The following NCAM2 variants were observed in gnomAD, a reference collection of about 807,000 sequenced individuals.
NCAM2 encodes neural cell adhesion molecule 2, also known as N-CAM-2.
A neutral mutation model predicts 98.1 loss-of-function variants in NCAM2; 30 were observed. That is an observed-to-expected ratio of 0.31 (90% CI 0.23 to 0.41). The LOEUF is 0.41. Among genes scored for constraint, NCAM2 ranks in the 10% least tolerant of loss-of-function variants. NCAM2 has a pLI of 1.00. For missense variants in NCAM2, 867 were observed against 1,005.8 expected, an observed-to-expected ratio of 0.86 and a Z score of 1.87; for synonymous variants, 368 against 342.4, an observed-to-expected ratio of 1.07 and a Z score of -0.83.
chr21:21,459,773 G>T (rs1444064142), intron 12 of NCAM2, among the ~76,000 whole-genome samples: 2 of 151,624 alleles, frequency 1.3e-5, no homozygotes, highest in Admixed American at 1.3e-4. Context: ...CAAAATTTCA[G>T]TTATGCAAGA....
chr21:21,165,922 G>C (rs1227048468), intron 1 of NCAM2, among the ~76,000 whole-genome samples: 1 of 152,134 alleles, frequency 6.6e-6, no homozygotes, highest in Non-Finnish European at 1.5e-5. Flanking sequence ...TGCTAAGATT[G>C]CTATAATTTA....
chr21:21,291,674 T>A (rs536743029), intron 4 of NCAM2, among the ~76,000 whole-genome samples: 1 of 151,944 alleles, frequency 6.6e-6, no homozygotes, highest in Non-Finnish European at 1.5e-5. Context: ...CAAAATTTTT[T>A]GTTTAATTAT....
intron 1 of NCAM2, among the ~76,000 whole-genome samples, chr21:21,239,906 G>GT (rs1015689699): frequency 6.6e-5 from 10 of 151,998 alleles, no homozygotes; most frequent in Admixed American, 6.6e-4. Context: ...TCTCAAGTAT[G>GT]TTTTTTCCTT....
intron 1 of NCAM2, among the ~76,000 whole-genome samples, chr21:21,145,099 G>GC (rs11408934): frequency 0.42 from 64,112 of 151,722 alleles, 13,858 homozygotes; most frequent in African/African-American, 0.51. Flanking sequence ...CTACATCAAA[G>GC]CATTTTATTT....
At chr21:21,289,151 A>G (rs1232720975) in intron 4 of NCAM2, among the ~76,000 whole-genome samples, 1 of 151,958 alleles carries the variant, frequency 6.6e-6, no homozygotes, top group African/African-American at 2.4e-5. Context: ...CTCCTTCTGC[A>G]TTAAAAAAAC....
chr21:21,433,742 C>CAATAAAATAA (rs71322060), intron 12 of NCAM2, among the ~76,000 whole-genome samples: 13,397 of 105,056 alleles, frequency 0.13, 1,022 homozygotes, highest in Non-Finnish European at 0.14. Flanking sequence ...GACTCCATCT[C>CAATAAAATAA]AATAAAATAA....
intron 1 of NCAM2, among the ~76,000 whole-genome samples, chr21:21,039,099 T>C (rs1158598558): frequency 6.6e-6 from 1 of 152,214 alleles, no homozygotes; most frequent in Non-Finnish European, 1.5e-5. Context: ...ATGTAGTTAA[T>C]TAAGAAAGTA....
intron 1 of NCAM2, among the ~76,000 whole-genome samples, chr21:21,232,227 G>C (rs2070657569): frequency 1.3e-5 from 2 of 151,356 alleles, no homozygotes; most frequent in South Asian, 4.2e-4. Flanking sequence ...ATGCATGTTT[G>C]CATTTTTCTT....
chr21:21,182,835 A>T lies in NCAM2; in HGVS notation c.56-97743A>T, dbSNP rs150155408. Among the ~76,000 whole-genome samples the T allele has an allele frequency of 8.2e-3, 1,251 of 152,258 alleles. 17 individuals are homozygous for T. The highest frequency in any genetic ancestry group is 0.068 in the Middle Eastern group (20 of 294). The stretch of plus-strand genomic sequence containing the variant: ...GTTGGGCAGCATTGTTCCTACTAAG[A>T]TATACGTAGGCCTCATCCAAATCGT... On this transcript the variant is annotated intron_variant, in intron 1 of 17. Transcript: ENST00000400546.
chr21:21,466,529 T>C (rs1983698699), intron 12 of NCAM2, 77 bp from the exon 13 acceptor site: 1 of 1,095,220 alleles, frequency 9.1e-7, no homozygotes, highest in East Asian at 3.0e-5. Context: ...TTGATTTGTT[T>C]TCCTTATTAA....
intron 1 of NCAM2, among the ~76,000 whole-genome samples, chr21:21,242,614 T>A (rs1397812355): frequency 6.6e-6 from 1 of 152,200 alleles, no homozygotes; most frequent in Non-Finnish European, 1.5e-5. Context: ...GCCTGGCTTA[T>A]TAGCATTATG....
At chr21:21,166,662 C>T (rs1331201619) in intron 1 of NCAM2, among the ~76,000 whole-genome samples, 1 of 152,156 alleles carries the variant, frequency 6.6e-6, no homozygotes, top group Non-Finnish European at 1.5e-5. Flanking sequence ...AAGTTACTTA[C>T]TTTTAATATT....
At chr21:21,317,864 A>G (rs1307594719) in intron 5 of NCAM2, among the ~76,000 whole-genome samples, 2 of 152,070 alleles carry the variant, frequency 1.3e-5, no homozygotes, top group Admixed American at 1.3e-4. Context: ...ACCAACTTGT[A>G]TTCTAGTCCA....
chr21:21,005,621 C>G (rs1601065743), intron 1 of NCAM2, among the ~76,000 whole-genome samples: 1 of 151,854 alleles, frequency 6.6e-6, no homozygotes. Flanking sequence ...TCTTCCATCC[C>G]CATTTATACT....
At chr21:21,251,724 T>A (rs1255975875) in intron 1 of NCAM2, among the ~76,000 whole-genome samples, 7 of 146,094 alleles carry the variant, frequency 4.8e-5, no homozygotes, top group African/African-American at 1.8e-4. Context: ...TGGTTGAATA[T>A]CCTTTACCCA....
At chr21:21,071,416 G>A (rs773863389) in intron 1 of NCAM2, among the ~76,000 whole-genome samples, 39 of 152,242 alleles carry the variant, frequency 2.6e-4, no homozygotes, top group Non-Finnish European at 4.0e-4. Flanking sequence ...AAAATGTTCT[G>A]GGAGATGGTA....
rs542240307 is a variant in NCAM2, at chr21:21,225,330, G to A, written c.56-55248G>A. 7.9e-5 allele frequency among the ~76,000 whole-genome samples: 12 copies of A among 152,136 alleles called. No individual in the cohort carries two copies. In the East Asian group the frequency reaches 2.3e-3, roughly 29 times the overall value. ...TTAATACTTAGGTAATGGGTTGATA[G>A]GTGCAGCAAACCACCATGGCACATG... On this transcript the variant is annotated intron_variant, in intron 1 of 17. Transcript: ENST00000400546.
At chr21:21,315,474 A>G (rs770934655) in intron 5 of NCAM2, among the ~76,000 whole-genome samples, 2 of 152,178 alleles carry the variant, frequency 1.3e-5, no homozygotes, top group Non-Finnish European at 2.9e-5. Context: ...TTCTGGTTCA[A>G]CTGATGAGAT....
intron 1 of NCAM2, among the ~76,000 whole-genome samples, chr21:21,277,238 C>T (rs1016227611): frequency 6.6e-6 from 1 of 152,030 alleles, no homozygotes; most frequent in Admixed American, 6.6e-5. Context: ...AATTATTCTG[C>T]CATTCATTCA....
Sources: allele counts gnomAD v4.1 joint callset (sites outside exome capture counted in the v4.1 genomes callset), GRCh38; gene constraint gnomAD v4.1.1; transcripts MANE v1.5; gene names NCBI Gene and HGNC (gene_info 2026-07-23, HGNC 2026-07-21).